Variants in RBFOX1 observed in about 807,000 individuals in gnomAD.
RBFOX1 encodes RNA binding fox-1 homolog 1.
In RBFOX1, 8 loss-of-function variants were observed where a neutral mutation model predicts 57.7. That is an observed-to-expected ratio of 0.14 (90% CI 0.08 to 0.25). The LOEUF (loss-of-function observed/expected upper bound fraction) is 0.25. Among genes scored for constraint, RBFOX1 ranks in the 10% least tolerant of loss-of-function variants. The pLI is 1.00. For missense variants in RBFOX1, 611 were observed against 548.5 expected (o/e 1.11, Z -1.14); for synonymous variants, 326 against 222.4 (o/e 1.47, Z -4.15).
At chr16:7,148,113 C>A (rs150201850) in intron 4 of RBFOX1, among the ~76,000 whole-genome samples, 1 of 152,136 alleles carries the variant, frequency 6.6e-6, no homozygotes, top group African/African-American at 2.4e-5. Context: ...TAGGAAGTGA[C>A]GCACAATTGA....
chr16:7,546,561 A>G (rs1167666861), intron 5 of RBFOX1, among the ~76,000 whole-genome samples: 1 of 152,122 alleles, frequency 6.6e-6, no homozygotes, highest in East Asian at 1.9e-4. Context: ...TTATCTTTTG[A>G]GAGGCTTTGC....
rs576245236 is a variant in RBFOX1, at chr16:6,229,094, C to T, written c.-126-87901C>T. ...TCCTTGGCCCATCTTATTGAGAGAC[C>T]ATGTTGTGCAGCAGTGTCATCCTCT... On this transcript the variant is annotated intron_variant, in intron 1 of 15. Coordinates refer to ENST00000550418, the MANE Select transcript of RBFOX1 (RefSeq NM_018723.4). Among the ~76,000 whole-genome samples, 11 of 152,052 alleles carry T rather than the reference C, an allele frequency of 7.2e-5. No individual in the cohort carries two copies. In the South Asian group the frequency reaches 2.3e-3, roughly 32 times the overall value.
chr16:6,528,049 C>T (rs1410976968), intron 2 of RBFOX1, among the ~76,000 whole-genome samples: 1 of 152,160 alleles, frequency 6.6e-6, no homozygotes, highest in Non-Finnish European at 1.5e-5. Context: ...TACCTTACAT[C>T]CTTTCCACCC....
At chr16:7,658,683 G>A (rs533186084) in intron 12 of RBFOX1, among the ~76,000 whole-genome samples, 15 of 152,272 alleles carry the variant, frequency 9.9e-5, no homozygotes, top group East Asian at 5.8e-4. Flanking sequence ...ATTAGGTACC[G>A]TGCATATTTC....
At chr16:5,468,555 A>G (rs2069026435) in intron 2 of RBFOX1, among the ~76,000 whole-genome samples, 1 of 152,236 alleles carries the variant, frequency 6.6e-6, no homozygotes, top group African/African-American at 2.4e-5. Context: ...TCCTACATAT[A>G]TACCCCAAAT....
intron 3 of RBFOX1, among the ~76,000 whole-genome samples, chr16:5,789,159 C>G (rs1254511699): frequency 1.3e-5 from 2 of 152,194 alleles, no homozygotes; most frequent in Non-Finnish European, 2.9e-5. Context: ...ATCAAAATCT[C>G]TAATTAAATA....
chr16:6,483,816 G>A, intron 2 of RBFOX1: 1 of 1,355,720 alleles, frequency 7.4e-7, no homozygotes, highest in Non-Finnish European at 9.5e-7. Flanking sequence ...CTCCGGGGCT[G>A]CTGATTAGAA....
chr16:5,435,496 A>G (rs2067888747), intron 1 of RBFOX1, among the ~76,000 whole-genome samples: 1 of 152,138 alleles, frequency 6.6e-6, no homozygotes, highest in African/African-American at 2.4e-5. Flanking sequence ...CGATCCCTGG[A>G]TCTCCCTCTG....
intron 3 of RBFOX1, among the ~76,000 whole-genome samples, chr16:6,889,450 T>C (rs973996642): frequency 6.6e-6 from 1 of 152,212 alleles, no homozygotes; most frequent in Non-Finnish European, 1.5e-5. Flanking sequence ...GTGGAACAGA[T>C]AACTTTGAGA....
At chr16:5,972,911 C>T (rs890708474) in intron 4 of RBFOX1, among the ~76,000 whole-genome samples, 3 of 152,166 alleles carry the variant, frequency 2.0e-5, no homozygotes, top group African/African-American at 7.2e-5. Context: ...ATGCTTTCCC[C>T]AGCTTTTCCA....
chr16:6,610,755 A>G (rs901789370), intron 2 of RBFOX1, among the ~76,000 whole-genome samples: 1 of 152,220 alleles, frequency 6.6e-6, no homozygotes, highest in Non-Finnish European at 1.5e-5. Context: ...CACTACCATG[A>G]TAACATCACC....
intron 3 of RBFOX1, among the ~76,000 whole-genome samples, chr16:6,680,234 A>G (rs115663383): frequency 0.029 from 4,177 of 146,438 alleles, 192 homozygotes; most frequent in African/African-American, 0.098. Context: ...AATTTTTACT[A>G]TGAGTATGAT....
intron 1 of RBFOX1, among the ~76,000 whole-genome samples, chr16:6,216,285 A>G (rs1056181991): frequency 1.3e-5 from 2 of 152,206 alleles, no homozygotes; most frequent in Middle Eastern, 3.4e-3. Context: ...CGTAAAATAA[A>G]AGTATAAAAA....
intron 4 of RBFOX1, among the ~76,000 whole-genome samples, chr16:7,356,861 G>A (rs1162068029): frequency 6.6e-6 from 1 of 152,186 alleles, no homozygotes; most frequent in African/African-American, 2.4e-5. Context: ...TTCGTCTTCA[G>A]TATCTGGGTC....
Position 7,597,448 on chromosome 16 carries a change from C to G in RBFOX1, c.622+17C>G, listed in dbSNP as rs751264265. 1.9e-6 allele frequency: 3 copies of G among 1,572,162 alleles called. No homozygotes were observed. The highest frequency in any genetic ancestry group is 2.6e-6 in the Non-Finnish European group (3 of 1,148,766). On this transcript the variant is annotated intron_variant, in intron 9 of 15. Transcript: ENST00000550418. ...ATACAAATGGTAAGTAGAGATTGGC[C>G]TTTTACAAGAAATTCTCTCTACTTC...
intron 10 of RBFOX1, among the ~76,000 whole-genome samples, chr16:7,618,509 C>A (rs532189062): frequency 2.0e-5 from 3 of 151,642 alleles, no homozygotes; most frequent in Non-Finnish European, 4.4e-5. Context: ...AAATTACCAG[C>A]GATTTCAAAC....
At chr16:5,884,794 G>A (rs570519183) in intron 4 of RBFOX1, among the ~76,000 whole-genome samples, 2 of 152,120 alleles carry the variant, frequency 1.3e-5, no homozygotes, top group African/African-American at 4.8e-5. Flanking sequence ...TAGTTGATGA[G>A]TGAGGTCCAG....
rs61742359 is a variant in RBFOX1 at position 7,518,263 on chromosome 16, C to T, written c.144C>T (p.Pro48=). ...PAEYTAPHPH[P]APEYTGQTTV... ...AATACACGGCCCCTCATCCCCACCC[C>T]GCGCCAGAGTACACAGGCCAGACCA... The change falls in exon 5 of 16, where the codon CCC becomes CCT. Residue 48 remains proline, a synonymous_variant. Coordinates refer to ENST00000550418, the MANE Select transcript of RBFOX1 (RefSeq NM_018723.4). The T allele has an allele frequency of 7.3e-5, 118 of 1,614,148 alleles. No individual in the cohort carries two copies. Among genetic ancestry groups the T allele is most frequent in the African/African-American group, 6.9e-4 (52 of 75,066 alleles).
chr16:5,507,644 C>T (rs1211667169), intron 2 of RBFOX1, among the ~76,000 whole-genome samples: 1 of 152,158 alleles, frequency 6.6e-6, no homozygotes, highest in Non-Finnish European at 1.5e-5. Context: ...CAGTATAATC[C>T]AGTTAAGATG....
Sources: allele counts gnomAD v4.1 joint callset (sites outside exome capture counted in the v4.1 genomes callset), GRCh38; gene constraint gnomAD v4.1.1; transcripts MANE v1.5; gene names NCBI Gene and HGNC (gene_info 2026-07-23, HGNC 2026-07-21).